Variants in FCHSD1 observed in about 807,000 individuals in gnomAD.
FCHSD1 encodes the protein F-BAR and double SH3 domains protein 1.
In FCHSD1, 109 loss-of-function variants were observed where a neutral mutation model predicts 101.3. The ratio of observed to expected loss-of-function variants is 1.08; its 90% CI spans 0.92 to 1.26. The LOEUF (loss-of-function observed/expected upper bound fraction) is 1.26, where lower values mean the gene tolerates loss of function less well. FCHSD1 is among the 50% of genes most tolerant of loss of function. The pLI, the probability that FCHSD1 is intolerant of heterozygous loss-of-function variation, is 0.00. For missense variants in FCHSD1, 820 were observed against 895.8 expected, an observed-to-expected ratio of 0.92 and a Z score of 1.08; for synonymous variants, 291 against 356.8, an observed-to-expected ratio of 0.82 and a Z score of 2.08.
chr5:141,648,466 A>T (rs1310348600), intron 7 of FCHSD1, among the ~76,000 whole-genome samples: 1 of 151,910 alleles, frequency 6.6e-6, no homozygotes, highest in East Asian at 1.9e-4. Flanking sequence ...TGCACTCACC[A>T]TTTCTTCTCT....
Position 141,640,416 on chromosome 5 carries a change from C to T in FCHSD1, c.*1082G>A. 1 of 1,614,184 alleles carries T rather than the reference C, an allele frequency of 6.2e-7. No individual in the cohort carries two copies. The highest frequency in any genetic ancestry group is 8.5e-7 in the Non-Finnish European group (1 of 1,180,010). On this transcript the variant is annotated 3_prime_UTR_variant, in exon 20 of 20. Transcript: ENST00000435817. ...GACCCCTCCCCTTTCTCTCAGGTGT[C>T]TCTACCACAGGGAGCAGGGAGTATG...
chr5:141,646,446 A>C (rs2099907661), intron 11 of FCHSD1, 157 bp downstream of exon 11: 1 of 1,232,032 alleles, frequency 8.1e-7, no homozygotes, highest in South Asian at 1.5e-5. Flanking sequence ...AGCTCCAAAA[A>C]CTGTGCTCTT....
intron 17 of FCHSD1, 95 bp downstream of exon 17, chr5:141,644,123 A>G: frequency 1.7e-6 from 2 of 1,197,414 alleles, no homozygotes. Flanking sequence ...AAAACTGGGG[A>G]GCAGAGGAGG....
intron 19 of FCHSD1, 32 bp downstream of exon 19, chr5:141,641,670 C>T (rs1562383413): frequency 1.9e-6 from 3 of 1,613,710 alleles, no homozygotes; most frequent in Non-Finnish European, 2.5e-6. Flanking sequence ...AACCCCTCTA[C>T]ATACAATCTC....
intron 13 of FCHSD1, 90 bp from the exon 14 acceptor site, chr5:141,645,238 C>T: frequency 6.7e-7 from 1 of 1,499,702 alleles, no homozygotes; most frequent in Non-Finnish European, 8.9e-7. Flanking sequence ...TAAAGGACAC[C>T]ATGGATCCTC....
chr5:141,641,477 G>A lies in FCHSD1; in HGVS notation c.*21C>T, dbSNP rs1218857472. 6.8e-7 allele frequency: 1 copy of A among 1,470,792 alleles called. No individual in the cohort carries two copies. The highest frequency in any genetic ancestry group is 9.0e-7 in the Non-Finnish European group (1 of 1,110,106). 91.1% of individuals were successfully genotyped at this position (1,470,792 alleles called of 1,614,324 possible). On this transcript the variant is annotated 3_prime_UTR_variant, in exon 20 of 20. Coordinates refer to ENST00000435817, the MANE Select transcript of FCHSD1 (RefSeq NM_033449.3). The stretch of plus-strand genomic sequence containing the variant: ...AAGATAGGGACAGCAGCATCACTGG[G>A]GGTCAAGGCTTCCCTGGCCTTCAGG...
intron 18 of FCHSD1, chr5:141,642,499 T>C: frequency 1.7e-6 from 1 of 604,600 alleles, no homozygotes; most frequent in Non-Finnish European, 2.9e-6. Flanking sequence ...ATGTACCTCC[T>C]GAATCTAAAA....
In FCHSD1 at chr5:141,639,984, G is replaced by A. The variant is rs1231979470; in HGVS notation, c.*1514C>T. On this transcript the variant is annotated 3_prime_UTR_variant, in exon 20 of 20. Transcript: ENST00000435817. This position sits in a 1 kb window ranked among gnomAD's most constrained non-coding sequence, Gnocchi z 4.4. ...CGAACACCGTGATGGCTCCCCCACAGACAGGAGCTGGGGCTCTGGTGGGGG... is the reference window on the plus strand; with the variant it reads ...CGAACACCGTGATGGCTCCCCCACAAACAGGAGCTGGGGCTCTGGTGGGGG... 4 of 1,613,714 alleles carry A rather than the reference G, an allele frequency of 2.5e-6. No homozygotes were observed. The highest frequency in any genetic ancestry group is 2.2e-5 in the East Asian group (1 of 44,884).
chr5:141,645,768 C>A lies in FCHSD1; in HGVS notation c.1311+3G>T. ...GATGGGTAGTGTTGGGGGAGGAGCT[C>A]ACGGTTGGAGAGAGGTCCCTCTGGG... On this transcript the variant is annotated splice_donor_region_variant and intron_variant, in intron 13 of 19. Transcript: ENST00000435817. 1 of 1,610,192 alleles carries A rather than the reference C, an allele frequency of 6.2e-7. No homozygotes were observed. Among genetic ancestry groups the A allele is most frequent in the Non-Finnish European group, 8.5e-7 (1 of 1,177,928 alleles).
rs754320124 is a variant in FCHSD1 at position 141,646,195 on chromosome 5, G to A, written c.1045-4C>T. 45 of 1,597,886 alleles carry A rather than the reference G, an allele frequency of 2.8e-5. No homozygotes were observed. The South Asian group carries it at 4.9e-4, about 17-fold the overall frequency. On this transcript the variant is annotated splice_polypyrimidine_tract_variant and splice_region_variant and intron_variant, in intron 11 of 19. Transcript: ENST00000435817. ...TCTGCTCCAGTCGTTGCAGTACCTG[G>A]TTGGGAAGGCAGAGAACAGGGGTGG...
rs1409108276 is a variant in FCHSD1, at chr5:141,651,133, G to A, written c.22-16C>T. On this transcript the variant is annotated splice_polypyrimidine_tract_variant and intron_variant, in intron 1 of 19. Coordinates refer to ENST00000435817, the MANE Select transcript of FCHSD1 (RefSeq NM_033449.3). ...CCGGCTTCACCTGTGGGGGCAAAGA[G>A]AGGATGAAGACCCCAGCGCAAGGAC... 1 of 1,571,376 alleles carries A rather than the reference G, an allele frequency of 6.4e-7. No homozygotes were observed. The highest frequency in any genetic ancestry group is 1.4e-5 in the African/African-American group (1 of 73,996).
chr5:141,644,877 AT>A lies in FCHSD1; in HGVS notation c.1505del (p.Asp502ValfsTer15). On this transcript the variant is annotated frameshift_variant, in exon 15 of 20. Coordinates refer to ENST00000435817, the MANE Select transcript of FCHSD1 (RefSeq NM_033449.3). LOFTEE classifies it high-confidence loss of function. ...TACCCACCTTGACCCATTCGTCAGC[AT>A]CTCCCTCCTCTATGACCTCCAGCCA... ...GEWLEVIEEG[D>X]ADEWVKARNQ... is the part of the protein sequence containing the mutation. The A allele has an allele frequency of 6.2e-7, 1 of 1,613,502 alleles. No individual in the cohort carries two copies. The highest frequency in any genetic ancestry group is 2.2e-5 in the East Asian group (1 of 44,832).
chr5:141,641,570 G>A lies in FCHSD1; in HGVS notation c.2008-7C>T. 1 of 1,568,654 alleles carries A rather than the reference G, an allele frequency of 6.4e-7. No individual in the cohort carries two copies. Among genetic ancestry groups the A allele is most frequent in the Non-Finnish European group, 8.7e-7 (1 of 1,155,114 alleles). On this transcript the variant is annotated splice_polypyrimidine_tract_variant and splice_region_variant and intron_variant, in intron 19 of 19. Coordinates refer to ENST00000435817, the MANE Select transcript of FCHSD1 (RefSeq NM_033449.3). The stretch of plus-strand genomic sequence containing the variant: ...GGGGAGGTGGTGGACGCATCTGTAG[G>A]GAACACACAGTTAGTGCTCCAGAGT...
At position 141,640,390 on chromosome 5, in the gene FCHSD1, T is replaced by C. The variant is rs2099906712; in HGVS notation, c.*1108A>G. On this transcript the variant is annotated 3_prime_UTR_variant, in exon 20 of 20. Coordinates refer to ENST00000435817, the MANE Select transcript of FCHSD1 (RefSeq NM_033449.3). ...GGACCTACTCCTGGTCTCTCATTGT[T>C]GACCCCTCCCCTTTCTCTCAGGTGT... 6.2e-7 allele frequency: 1 copy of C among 1,614,082 alleles called. No individual in the cohort carries two copies. Among genetic ancestry groups the C allele is most frequent in the Admixed American group, 1.7e-5 (1 of 60,008 alleles).
At position 141,650,393 on chromosome 5, in the gene FCHSD1, T is replaced by C. The variant is rs897849772; in HGVS notation, c.131A>G (p.Lys44Arg). The change falls in exon 3 of 20, where the codon AAG becomes AGG. Residue 44 changes from lysine (K) to arginine (R), a missense_variant. Lys to Arg is a conservative substitution (Grantham distance 26, BLOSUM62 2). Transcript: ENST00000435817. Reference sequence around the variant, plus strand: ...CTCCCGTTCAATGGCTGCCCTCTGCTTGCTGTAGGATCTGCGGAGATTGCA... The same window carrying C: ...CTCCCGTTCAATGGCTGCCCTCTGCCTGCTGTAGGATCTGCGGAGATTGCA... The part of the protein sequence containing the change: ...DLLEDIRSYS[K>R]QRAAIEREYG... The C allele has an allele frequency of 2.5e-6, 4 of 1,613,792 alleles. No individual in the cohort carries two copies. In the African/African-American group the frequency reaches 5.3e-5, roughly 22 times the overall value.
At chr5:141,647,641 T>TTCTC in intron 8 of FCHSD1, 121 bp from the exon 9 acceptor site, 2 of 1,488,242 alleles carry the variant, frequency 1.3e-6, no homozygotes, top group Non-Finnish European at 1.8e-6. Flanking sequence ...GAAGACATTC[T>TTCTC]TCATGAGAAA....
At position 141,649,641 on chromosome 5, in the gene FCHSD1, C is replaced by G; in HGVS notation, c.234-105G>C. On this transcript the variant is annotated intron_variant, in intron 4 of 19. Coordinates refer to ENST00000435817, the MANE Select transcript of FCHSD1 (RefSeq NM_033449.3). The surrounding 1 kb of genome is among the most constrained non-coding windows in gnomAD (Gnocchi z 4.1). ...AACACCATGGGAGACAGAGTGCTTT[C>G]CCATCCTCCCTTGTCTGGGAGCCCA... The G allele has an allele frequency of 7.0e-7, 1 of 1,426,046 alleles. No homozygotes were observed. The highest frequency in any genetic ancestry group is 9.3e-7 in the Non-Finnish European group (1 of 1,070,880). 88.3% of individuals were successfully genotyped at this position (1,426,046 alleles called of 1,614,324 possible). A position where few individuals can be genotyped will look rare whatever the true frequency, so the allele number is the denominator to read the frequency against.
rs780121313 is a variant in FCHSD1, at chr5:141,639,945, C to G, written c.*1553G>C. ...GTTCCGGGTGACACACATTGAGAAG[C>G]GCTATGGACTGCACGAACACCGTGA... On this transcript the variant is annotated 3_prime_UTR_variant, in exon 20 of 20. Transcript: ENST00000435817. The surrounding 1 kb of genome is among the most constrained non-coding windows in gnomAD (Gnocchi z 4.4). The G allele has an allele frequency of 6.2e-7, 1 of 1,614,004 alleles. No homozygotes were observed. The highest frequency in any genetic ancestry group is 1.7e-5 in the Admixed American group (1 of 60,026).
At chr5:141,646,767 C>A in intron 10 of FCHSD1, 45 bp from the exon 11 acceptor site, 1 of 1,595,816 alleles carries the variant, frequency 6.3e-7, no homozygotes. Context: ...GAGGCTGCTC[C>A]TTCTCTCCAG....
Sources: gnomAD v4.1 joint callset for allele counts (sites outside exome capture counted in the v4.1 genomes callset) on GRCh38, gnomAD v4.1.1 for gene constraint, Gnocchi (gnomAD v3.1) non-coding constraint, MANE v1.5 for transcripts, NCBI Gene and HGNC (gene_info 2026-07-23, HGNC 2026-07-21) for gene names.